DDHD1: variants seen among roughly 807,000 people sequenced by gnomAD.
The protein encoded by DDHD1 is DDHD domain containing 1, also known as phospholipase DDHD1.
In DDHD1, 49 loss-of-function variants were observed where a neutral mutation model predicts 96.4. That is an observed-to-expected ratio of 0.51 (90% CI 0.40 to 0.64). The LOEUF (loss-of-function observed/expected upper bound fraction) is 0.64, where lower values mean the gene tolerates loss of function less well. DDHD1 is among the 30% of genes least tolerant of loss of function. The pLI is 0.00. For synonymous variants in DDHD1, 442 were observed against 446.5 expected (o/e 0.99, Z 0.13); for missense variants, 1,106 against 1,161.2 (o/e 0.95, Z 0.69).
intron 4 of DDHD1, among the ~76,000 whole-genome samples, chr14:53,084,708 G>A (rs986098940): frequency 8.5e-5 from 13 of 152,102 alleles, no homozygotes; most frequent in African/African-American, 2.7e-4. Context: ...CAGCTTGATC[G>A]ATGCAGAAGA....
chr14:53,095,146 C>T (rs1381669614), intron 2 of DDHD1, among the ~76,000 whole-genome samples: 1 of 152,126 alleles, frequency 6.6e-6, no homozygotes, highest in Admixed American at 6.5e-5. Context: ...TAAGCTTTTC[C>T]TTTATAGCTC....
rs1473214067 is a variant in DDHD1, at chr14:53,075,156, C to T, written c.1290-1309G>A. On this transcript the variant is annotated intron_variant, in intron 4 of 12. Transcript: ENST00000673822. ...AAGAAGAGTCGCTTATCTCTCACTT[C>T]AAATAAAAAACCAGAAATGATTGAG... is the stretch of plus-strand genomic sequence containing the variant. 4.6e-5 allele frequency among the ~76,000 whole-genome samples: 7 copies of T among 151,850 alleles called. No individual in the cohort carries two copies. The East Asian group carries it at 1.4e-3, about 29-fold the overall frequency.
chr14:53,059,629 G>C (rs1331551072), intron 8 of DDHD1, among the ~76,000 whole-genome samples: 9 of 148,612 alleles, frequency 6.1e-5, no homozygotes, highest in Admixed American at 4.0e-4. Context: ...ACTTTGGGAG[G>C]CCGTGGCGGG....
intron 1 of DDHD1, among the ~76,000 whole-genome samples, chr14:53,136,234 G>A (rs1321992083): frequency 5.3e-5 from 8 of 151,880 alleles, no homozygotes; most frequent in African/African-American, 1.5e-4. Flanking sequence ...CTCTCTTTTC[G>A]GACTCAGCCC....
intron 2 of DDHD1, chr14:53,096,147 C>T (rs1023656512): frequency 1.0e-6 from 1 of 985,162 alleles, no homozygotes; most frequent in Non-Finnish European, 1.2e-6. Context: ...AGACCTGTCG[C>T]ATCTGTACTC....
At chr14:53,122,664 T>C (rs954035049) in intron 1 of DDHD1, among the ~76,000 whole-genome samples, 7 of 150,842 alleles carry the variant, frequency 4.6e-5, no homozygotes, top group South Asian at 2.1e-4. Flanking sequence ...GTTCAAGCAG[T>C]TCTCCTGCCT....
At chr14:53,089,013 C>G (rs1301153936) in intron 4 of DDHD1, among the ~76,000 whole-genome samples, 3 of 152,158 alleles carry the variant, frequency 2.0e-5, no homozygotes, top group Non-Finnish European at 4.4e-5. Flanking sequence ...CACAAGCATT[C>G]TTATAAACCA....
At chr14:53,109,302 T>C (rs879334516) in intron 1 of DDHD1, among the ~76,000 whole-genome samples, 7 of 152,294 alleles carry the variant, frequency 4.6e-5, no homozygotes, top group South Asian at 4.1e-4. Context: ...GCTAGTTCTA[T>C]AAATTACCAA....
At chr14:53,062,535 A>T (rs968956190) in intron 7 of DDHD1, among the ~76,000 whole-genome samples, 2 of 152,036 alleles carry the variant, frequency 1.3e-5, no homozygotes, top group Admixed American at 1.3e-4. Context: ...ATATTTGCTT[A>T]AAAAAAGCAC....
intron 4 of DDHD1, among the ~76,000 whole-genome samples, chr14:53,075,663 G>A (rs1884893872): frequency 6.6e-6 from 1 of 152,106 alleles, no homozygotes. Flanking sequence ...AAAAGCCTTT[G>A]GACTTTCACA....
intron 1 of DDHD1, among the ~76,000 whole-genome samples, chr14:53,134,323 C>T (rs1890076063): frequency 6.6e-6 from 1 of 152,174 alleles, no homozygotes; most frequent in Admixed American, 6.5e-5. Flanking sequence ...CAATCAGCCA[C>T]TCTTGACTCC....
intron 1 of DDHD1, 134 bp downstream of exon 1, chr14:53,152,127 C>G: frequency 1.2e-5 from 11 of 898,934 alleles, no homozygotes; most frequent in South Asian, 8.7e-5. Context: ...CCTGCTCAAT[C>G]TCCATCCTGC....
chr14:53,152,321 G>C lies in DDHD1; in HGVS notation c.778C>G (p.Arg260Gly). Residue 260 changes from arginine to glycine, a missense_variant, in exon 1 of 13, where the codon CGG (arginine) becomes GGG (glycine). Physicochemically the swap from Arg to Gly is moderately radical, Grantham distance 125. Coordinates refer to ENST00000673822, the MANE Select transcript of DDHD1 (RefSeq NM_001160148.2). ...ACATCCACCTCGTAGAGGCCGCCCCGCACGCACACAGGCTCGATGTTCACA... is the reference window on the plus strand; with the variant it reads ...ACATCCACCTCGTAGAGGCCGCCCCCCACGCACACAGGCTCGATGTTCACA... ...ELVNIEPVCV[R>G]GGLYEVDVTQ... 1 of 1,613,930 alleles carries C rather than the reference G, an allele frequency of 6.2e-7. No individual in the cohort carries two copies. Among genetic ancestry groups the C allele is most frequent in the Non-Finnish European group, 8.5e-7 (1 of 1,179,912 alleles).
intron 4 of DDHD1, among the ~76,000 whole-genome samples, chr14:53,087,246 G>A (rs1239379602): frequency 6.6e-6 from 1 of 151,956 alleles, no homozygotes; most frequent in African/African-American, 2.4e-5. Context: ...ATATTAGACG[G>A]ATCAACGAGA....
intron 9 of DDHD1, among the ~76,000 whole-genome samples, chr14:53,056,346 T>G (rs983280152): frequency 1.3e-5 from 2 of 152,208 alleles, no homozygotes; most frequent in Non-Finnish European, 2.9e-5. Context: ...CATAAGAGCA[T>G]CTGTCTGATG....
chr14:53,103,085 C>T, intron 2 of DDHD1: 1 of 1,554,132 alleles, frequency 6.4e-7, no homozygotes, highest in Non-Finnish European at 8.7e-7. Context: ...GTATTTTTAA[C>T]TTTACCACAT....
chr14:53,084,582 A>G (rs1290181737), intron 4 of DDHD1, among the ~76,000 whole-genome samples: 1 of 152,240 alleles, frequency 6.6e-6, no homozygotes, highest in African/African-American at 2.4e-5. Flanking sequence ...AGCTATGGAC[A>G]TTGAAAAGGA....
In DDHD1 at chr14:53,152,739, C is replaced by G. The variant is rs751863584; in HGVS notation, c.360G>C (p.Pro120=). ...GGGSSLSLHP[P]QQPPLVPTNS... is the part of the protein sequence containing the mutation. ...TCGTCGGGACCAGCGGAGGCTGCTG[C>G]GGCGGGTGCAGCGACAAGGAGCTGC... Residue 120 remains proline, a synonymous_variant, in exon 1 of 13, where the codon CCG becomes CCC. Coordinates refer to ENST00000673822, the MANE Select transcript of DDHD1 (RefSeq NM_001160148.2). 1 of 1,587,824 alleles carries G rather than the reference C, an allele frequency of 6.3e-7. No individual in the cohort carries two copies. Among genetic ancestry groups the G allele is most frequent in the Non-Finnish European group, 8.6e-7 (1 of 1,168,828 alleles).
chr14:53,111,705 T>C (rs541848858), intron 1 of DDHD1, among the ~76,000 whole-genome samples: 2 of 152,354 alleles, frequency 1.3e-5, no homozygotes, highest in African/African-American at 4.8e-5. Context: ...ATATGTAATA[T>C]ACATTGAATT....
Sources: gnomAD v4.1 joint callset for allele counts (sites outside exome capture counted in the v4.1 genomes callset) on GRCh38, gnomAD v4.1.1 for gene constraint, MANE v1.5 for transcripts, NCBI Gene and HGNC (gene_info 2026-07-23, HGNC 2026-07-21) for gene names.